LRBA: variants seen among roughly 807,000 people sequenced by gnomAD.
LRBA encodes LPS responsive beige-like anchor protein.
Under a neutral mutation model 330.0 loss-of-function variants are expected in LRBA, and 176 were observed. That is an observed-to-expected ratio of 0.53 (90% CI 0.47 to 0.60). The LOEUF is 0.60. Among genes scored for constraint, LRBA ranks in the 20% least tolerant of loss-of-function variants. The pLI is 0.00. For synonymous variants in LRBA, 1,230 were observed against 1,193.0 expected, an observed-to-expected ratio of 1.03 and a Z score of -0.64; for missense variants, 3,259 against 3,444.8, an observed-to-expected ratio of 0.95 and a Z score of 1.35.
intron 34 of LRBA, among the ~76,000 whole-genome samples, chr4:150,782,175 G>A (rs536639720): frequency 6.6e-6 from 1 of 152,250 alleles, no homozygotes; most frequent in Non-Finnish European, 1.5e-5. Context: ...CCAAAGTGCT[G>A]GGATTTCAGG....
At chr4:150,979,258 A>G (rs1740568606) in intron 2 of LRBA, among the ~76,000 whole-genome samples, 1 of 147,878 alleles carries the variant, frequency 6.8e-6, no homozygotes, top group African/African-American at 2.4e-5. Context: ...GCAGACGGAA[A>G]AAAACTCTTA....
chr4:150,872,871 T>C, intron 17 of LRBA, 116 bp from the exon 18 acceptor site: 1 of 487,936 alleles, frequency 2.0e-6, no homozygotes, highest in South Asian at 3.6e-5. Context: ...TGGAAGGAAA[T>C]TTAATATAGA....
chr4:150,495,710 A>G (rs905042986), intron 40 of LRBA, among the ~76,000 whole-genome samples: 5 of 152,158 alleles, frequency 3.3e-5, no homozygotes, highest in African/African-American at 1.2e-4. Flanking sequence ...CTAGAGTTCA[A>G]TTAAAACTGG....
At chr4:150,416,807 C>G (rs1747830678) in intron 46 of LRBA, among the ~76,000 whole-genome samples, 1 of 152,046 alleles carries the variant, frequency 6.6e-6, no homozygotes, top group South Asian at 2.1e-4. Context: ...TCCAATTTGT[C>G]TGAGCTAACA....
intron 47 of LRBA, among the ~76,000 whole-genome samples, chr4:150,401,277 G>C (rs901184394): frequency 2.0e-5 from 3 of 152,212 alleles, no homozygotes; most frequent in African/African-American, 7.2e-5. Flanking sequence ...ATAAACGTAT[G>C]TTGTTTAAGC....
chr4:150,428,885 G>A (rs190557214), intron 46 of LRBA, among the ~76,000 whole-genome samples: 50 of 152,162 alleles, frequency 3.3e-4, no homozygotes, highest in African/African-American at 1.2e-3. Flanking sequence ...TGTGCCAAAC[G>A]TCTTTTCTGA....
intron 28 of LRBA, among the ~76,000 whole-genome samples, chr4:150,839,880 G>C (rs1444802578): frequency 6.7e-6 from 1 of 148,438 alleles, no homozygotes; most frequent in African/African-American, 2.5e-5. Context: ...AGAACTTAAA[G>C]TATTAAAAAA....
intron 22 of LRBA, among the ~76,000 whole-genome samples, chr4:150,856,230 A>G (rs943294255): frequency 2.0e-5 from 3 of 152,136 alleles, no homozygotes; most frequent in Non-Finnish European, 2.9e-5. Flanking sequence ...CAAGCAAGCT[A>G]AGTACTCCTA....
intron 34 of LRBA, among the ~76,000 whole-genome samples, chr4:150,773,125 G>T (rs1736805555): frequency 6.6e-6 from 1 of 152,130 alleles, no homozygotes; most frequent in South Asian, 2.1e-4. Flanking sequence ...ACATGCAAAT[G>T]CCTTACCAAA....
At chr4:150,335,590 T>C (rs1385965681) in intron 48 of LRBA, among the ~76,000 whole-genome samples, 2 of 151,258 alleles carry the variant, frequency 1.3e-5, no homozygotes, top group Non-Finnish European at 2.9e-5. Context: ...GAACAGTTCA[T>C]GGCACATACT....
chr4:150,449,760 A>T (rs1489235530), intron 44 of LRBA, among the ~76,000 whole-genome samples: 1 of 152,262 alleles, frequency 6.6e-6, no homozygotes, highest in Non-Finnish European at 1.5e-5. Flanking sequence ...TACCTGACAT[A>T]AGAAGAAGCA....
intron 47 of LRBA, among the ~76,000 whole-genome samples, chr4:150,395,463 T>A (rs1744599950): frequency 6.6e-6 from 1 of 152,140 alleles, no homozygotes; most frequent in Admixed American, 6.6e-5. Flanking sequence ...AAGGTCATCA[T>A]CTCCTGCTTA....
intron 47 of LRBA, among the ~76,000 whole-genome samples, chr4:150,352,437 T>C (rs1168888859): frequency 6.6e-6 from 1 of 152,216 alleles, no homozygotes; most frequent in Non-Finnish European, 1.5e-5. Context: ...TAAACAAAAC[T>C]CTATGCAATT....
At position 150,916,493 on chromosome 4, in the gene LRBA, G is replaced by A. The variant is rs916401126; in HGVS notation, c.802C>T (p.His268Tyr). ...RTSKGLGYSA[H>Y]FVGGCLIVTS... ...ACAATCAAACAGCCTCCAACAAAAT[G>A]AGCAGAATAGCCAAGACCTTTGCTG... Residue 268 changes from histidine (H) to tyrosine (Y), a missense_variant, in exon 7 of 57, where the codon CAT becomes TAT. Coordinates refer to ENST00000651943, the MANE Select transcript of LRBA (RefSeq NM_001364905.1). The A allele has an allele frequency of 1.1e-5, 17 of 1,613,754 alleles. No individual in the cohort carries two copies. The highest frequency in any genetic ancestry group is 1.4e-5 in the Non-Finnish European group (17 of 1,179,828).
intron 41 of LRBA, among the ~76,000 whole-genome samples, chr4:150,489,859 A>G (rs1158032282): frequency 1.3e-5 from 2 of 149,370 alleles, no homozygotes; most frequent in East Asian, 3.9e-4. Context: ...TAAACAGAAG[A>G]AAAAAATCAT....
intron 46 of LRBA, 135 bp from the exon 47 acceptor site, chr4:150,415,725 C>G (rs1369999095): frequency 1.7e-6 from 1 of 578,322 alleles, no homozygotes; most frequent in Non-Finnish European, 3.0e-6. Context: ...CTTTGCATAT[C>G]ATAGCCCTGT....
intron 43 of LRBA, among the ~76,000 whole-genome samples, chr4:150,471,230 C>T (rs970016177): frequency 6.6e-6 from 1 of 152,192 alleles, no homozygotes; most frequent in African/African-American, 2.4e-5. Context: ...TTCAGTCTTA[C>T]ATGGAATGAC....
At chr4:150,959,343 A>G (rs1737885583) in intron 2 of LRBA, among the ~76,000 whole-genome samples, 1 of 149,278 alleles carries the variant, frequency 6.7e-6, no homozygotes, top group Non-Finnish European at 1.5e-5. Context: ...TCCCTCCCAC[A>G]TGAGACCTAC....
chr4:150,855,475 T>A (rs906293403), intron 22 of LRBA, among the ~76,000 whole-genome samples: 2 of 152,222 alleles, frequency 1.3e-5, no homozygotes, highest in African/African-American at 4.8e-5. Context: ...TTTATTTATA[T>A]TAAAGGTTTT....
Sources: gnomAD v4.1 joint callset for allele counts (sites outside exome capture counted in the v4.1 genomes callset) on GRCh38, gnomAD v4.1.1 for gene constraint, MANE v1.5 for transcripts, NCBI Gene and HGNC (gene_info 2026-07-23, HGNC 2026-07-21) for gene names.